The following FNBP1 variants were observed in gnomAD, a reference collection of about 807,000 sequenced individuals.
FNBP1 encodes the protein formin binding protein 1.
In FNBP1, 26 loss-of-function variants were observed where a neutral mutation model predicts 90.6. That is an observed-to-expected ratio of 0.29 (90% CI 0.21 to 0.40). FNBP1 has a LOEUF of 0.40. Ranked by LOEUF, FNBP1 falls within the 10% of genes least tolerant of loss-of-function variation. The pLI is 1.00. For synonymous variants in FNBP1, 260 were observed against 265.2 expected (o/e 0.98, Z 0.19); for missense variants, 635 against 768.0 (o/e 0.83, Z 2.05).
In FNBP1 at chr9:129,890,643, CCCTGGG is replaced by C; in HGVS notation, c.1847-103_1847-98del. 1.1e-6 allele frequency: 1 copy of C among 880,458 alleles called. No individual in the cohort carries two copies. The highest frequency in any genetic ancestry group is 1.4e-5 in the South Asian group (1 of 69,456). 54.5% of individuals were successfully genotyped at this position (880,458 alleles called of 1,614,324 possible). A position where few individuals can be genotyped will look rare whatever the true frequency, so the allele number is the denominator to read the frequency against. The stretch of plus-strand genomic sequence containing the variant: ...TTGCTCTTGGCTACAAACTGCACCG[CCCTGGG>C]AGGGGAGGGTAGTGGGAGGGGAGGG... On this transcript the variant is annotated intron_variant, in intron 16 of 16. Transcript: ENST00000446176. This position sits in a 1 kb window ranked among gnomAD's most constrained non-coding sequence, Gnocchi z 5.8.
At chr9:129,908,086 T>A (rs191669897) in intron 12 of FNBP1, among the ~76,000 whole-genome samples, 60 of 151,918 alleles carry the variant, frequency 3.9e-4, no homozygotes, top group African/African-American at 1.3e-3. Context: ...CTAAAGCAAT[T>A]CTCCCCACCT....
At chr9:129,921,565 A>C (rs1023021049) in intron 10 of FNBP1, among the ~76,000 whole-genome samples, 4 of 151,690 alleles carry the variant, frequency 2.6e-5, no homozygotes, top group Admixed American at 6.6e-5. Flanking sequence ...CCGGACATTA[A>C]CCATGCCCGG....
chr9:129,955,318 C>A (rs997017358), intron 6 of FNBP1, among the ~76,000 whole-genome samples: 2 of 151,868 alleles, frequency 1.3e-5, no homozygotes, highest in African/African-American at 4.8e-5. Context: ...ACTGCAAACT[C>A]TGCCTCCCAG....
intron 2 of FNBP1, among the ~76,000 whole-genome samples, chr9:129,989,604 C>CA (rs1296962267): frequency 3.3e-5 from 5 of 152,166 alleles, no homozygotes; most frequent in Non-Finnish European, 5.9e-5. Context: ...CTGCAGGAGA[C>CA]AATGCGCAGT....
At chr9:130,025,878 C>T (rs1203020360) in intron 1 of FNBP1, among the ~76,000 whole-genome samples, 4 of 151,932 alleles carry the variant, frequency 2.6e-5, no homozygotes, top group South Asian at 2.1e-4. Context: ...GAGCCAAGAC[C>T]GTGCCACTGC....
intron 4 of FNBP1, among the ~76,000 whole-genome samples, chr9:129,975,297 G>T (rs1177197674): frequency 6.6e-6 from 1 of 152,106 alleles, no homozygotes; most frequent in Non-Finnish European, 1.5e-5. Context: ...ATTTCAAAAG[G>T]TTTCATGATT....
intron 1 of FNBP1, among the ~76,000 whole-genome samples, chr9:130,037,905 C>T (rs1042943243): frequency 2.6e-5 from 4 of 152,068 alleles, no homozygotes; most frequent in Admixed American, 2.6e-4. Flanking sequence ...TTATTGAACT[C>T]CTACACAGAG....
rs60640596 is a variant in FNBP1, at chr9:129,958,985, CAAAAAAA to C, written c.346-439_346-433del. On this transcript the variant is annotated intron_variant, in intron 4 of 16. Transcript: ENST00000446176. The stretch of plus-strand genomic sequence containing the variant: ...TGGATGACACAGTGAAACTCTGCCT[CAAAAAAA>C]AAAAAAAAAAAAAAAGGAAAAGGGA... 4.4e-4 allele frequency among the ~76,000 whole-genome samples: 4 copies of C among 9,154 alleles called. 1 individual carries two copies. Among genetic ancestry groups the C allele is most frequent in the East Asian group, 5.6e-3 (1 of 180 alleles). 6.0% of individuals were successfully genotyped at this position (9,154 alleles called of 152,430 possible).
intron 2 of FNBP1, among the ~76,000 whole-genome samples, chr9:129,989,838 G>A (rs956367250): frequency 8.5e-5 from 13 of 152,204 alleles, no homozygotes; most frequent in African/African-American, 3.1e-4. Context: ...AGAAGTTCAA[G>A]ACCAGCATGG....
At chr9:129,932,241 A>C (rs1400925022) in intron 6 of FNBP1, among the ~76,000 whole-genome samples, 2 of 152,044 alleles carry the variant, frequency 1.3e-5, no homozygotes, top group African/African-American at 4.8e-5. Flanking sequence ...AAAAAGAACA[A>C]ACGAATGAAA....
chr9:129,893,612 CAAA>C (rs1216398298), intron 16 of FNBP1, among the ~76,000 whole-genome samples: 63 of 22,308 alleles, frequency 2.8e-3, no homozygotes, highest in Non-Finnish European at 4.0e-3. Flanking sequence ...GACTCTGTCT[CAAA>C]AAAAAAAAAA....
At chr9:129,907,851 C>T (rs2131506388) in intron 12 of FNBP1, among the ~76,000 whole-genome samples, 1 of 152,192 alleles carries the variant, frequency 6.6e-6, no homozygotes, top group African/African-American at 2.4e-5. Context: ...GTCTCAGCCT[C>T]CCAAGTAGCT....
intron 10 of FNBP1, 132 bp downstream of exon 10, chr9:129,923,711 GT>G (rs11290705): frequency 0.063 from 45,486 of 721,818 alleles, 67 homozygotes; most frequent in African/African-American, 0.08. Flanking sequence ...AATGGTTTTT[GT>G]TTTTTTTTTT....
chr9:129,988,716 C>G (rs891036689), intron 2 of FNBP1, among the ~76,000 whole-genome samples: 1 of 152,140 alleles, frequency 6.6e-6, no homozygotes, highest in Non-Finnish European at 1.5e-5. Context: ...GTAAATGCAT[C>G]TCTTTTGCAA....
At chr9:130,050,672 G>A in the FNBP1 span, among the ~76,000 whole-genome samples, 149 of 148,722 alleles carry the variant, frequency 1.0e-3, 1 homozygote, top group African/African-American at 3.5e-3. Context: ...ATTTGACAGG[G>A]TCTTGCTCTG....
chr9:129,959,007 A>AAAAAAAAAAAAAAAAAG (rs2047380574), intron 4 of FNBP1, among the ~76,000 whole-genome samples: 1 of 142,674 alleles, frequency 7.0e-6, no homozygotes, highest in Non-Finnish European at 1.5e-5. Flanking sequence ...AAAAAAAAAA[A>AAAAAAAAAAAAAAAAAG]GGAAAAGGGA....
rs1331432194 is a variant in FNBP1, at chr9:130,043,140, C to A, written c.-165G>T. ...CTCGCCCGGGGTCTCCTCGGCGGCT[C>A]CTCCTCCCCGCCGCTCCACAGCAAA... On this transcript the variant is annotated 5_prime_UTR_variant, in exon 1 of 17. Coordinates refer to ENST00000446176, the MANE Select transcript of FNBP1 (RefSeq NM_015033.3). 7 of 484,462 alleles carry A rather than the reference C, an allele frequency of 1.4e-5. No homozygotes were observed. Among genetic ancestry groups the A allele is most frequent in the Non-Finnish European group, 1.9e-5 (6 of 308,966 alleles). 30.0% of individuals were successfully genotyped at this position (484,462 alleles called of 1,614,324 possible). A position where few individuals can be genotyped will look rare whatever the true frequency, so the allele number is the denominator to read the frequency against.
In FNBP1 at chr9:129,966,048, G is replaced by T. The variant is rs2048584835; in HGVS notation, c.346-7495C>A. 6.6e-6 allele frequency among the ~76,000 whole-genome samples: 1 copy of T among 152,158 alleles called. No homozygotes were observed. Among genetic ancestry groups the T allele is most frequent in the Admixed American group, 6.5e-5 (1 of 15,274 alleles). ...CCCACTTGTGAACAGGGCTGCTCCA[G>T]GCACGAGGAAAGCTGTGTAAACAAA... On this transcript the variant is annotated intron_variant, in intron 4 of 16. Coordinates refer to ENST00000446176, the MANE Select transcript of FNBP1 (RefSeq NM_015033.3). The surrounding 1 kb of genome is among the most constrained non-coding windows in gnomAD (Gnocchi z 4.3).
At chr9:129,974,588 G>C (rs927676862) in intron 4 of FNBP1, among the ~76,000 whole-genome samples, 2 of 152,196 alleles carry the variant, frequency 1.3e-5, no homozygotes, top group Non-Finnish European at 2.9e-5. Flanking sequence ...GGCCAGGCAT[G>C]GGGGTTTATG....
Sources: gnomAD v4.1 joint callset for allele counts (sites outside exome capture counted in the v4.1 genomes callset) on GRCh38, gnomAD v4.1.1 for gene constraint, Gnocchi (gnomAD v3.1) non-coding constraint, MANE v1.5 for transcripts, NCBI Gene and HGNC (gene_info 2026-07-23, HGNC 2026-07-21) for gene names.